Variants in PTCD2 observed in about 807,000 individuals in gnomAD.
PTCD2 encodes the protein pentatricopeptide repeat domain 2, also known as pentatricopeptide repeat-containing protein 2, mitochondrial.
In PTCD2, 31 loss-of-function variants were observed where a neutral mutation model predicts 42.6. That is an observed-to-expected ratio of 0.73 (90% CI 0.55 to 0.98). The LOEUF (loss-of-function observed/expected upper bound fraction) is 0.98. Among genes scored for constraint, PTCD2 ranks in the 50% least tolerant of loss-of-function variants. The pLI is 0.00. For missense variants in PTCD2, 476 were observed against 454.8 expected, an observed-to-expected ratio of 1.05 and a Z score of -0.42; for synonymous variants, 183 against 170.9, an observed-to-expected ratio of 1.07 and a Z score of -0.55.
chr5:72,341,472 C>G (rs1056993181), intron 7 of PTCD2, among the ~76,000 whole-genome samples: 18 of 152,046 alleles, frequency 1.2e-4, no homozygotes, highest in African/African-American at 4.3e-4. Context: ...AACACTGTGG[C>G]TCCTGCGTGT....
At chr5:72,343,668 T>G (rs1409683769) in intron 8 of PTCD2, among the ~76,000 whole-genome samples, 1 of 152,146 alleles carries the variant, frequency 6.6e-6, no homozygotes. Flanking sequence ...TGCAAAACCT[T>G]AATCCCTAAA....
chr5:72,340,218 C>A (rs1305933358), intron 7 of PTCD2, among the ~76,000 whole-genome samples: 4 of 152,014 alleles, frequency 2.6e-5, no homozygotes, highest in African/African-American at 7.2e-5. Context: ...TTATTTAATT[C>A]TTTTGACAAG....
chr5:72,342,937 T>C, intron 7 of PTCD2, 25 bp from the exon 8 acceptor site: 1 of 1,448,778 alleles, frequency 6.9e-7, no homozygotes, highest in Non-Finnish European at 9.6e-7. Flanking sequence ...TGATATGGAA[T>C]ATGATTTGTT....
chr5:72,326,854 G>A, intron 3 of PTCD2, 113 bp downstream of exon 3: 1 of 1,056,484 alleles, frequency 9.5e-7, no homozygotes, highest in Non-Finnish European at 1.4e-6. Flanking sequence ...GTGACTTCCA[G>A]ATCTCTTGTT....
At chr5:72,336,176 G>A (rs1486690807) in intron 6 of PTCD2, among the ~76,000 whole-genome samples, 1 of 152,168 alleles carries the variant, frequency 6.6e-6, no homozygotes, top group Non-Finnish European at 1.5e-5. Flanking sequence ...CACGCATGCT[G>A]GACTCTGCTA....
At chr5:72,355,945 C>T (rs1752855711) in intron 9 of PTCD2, among the ~76,000 whole-genome samples, 1 of 152,164 alleles carries the variant, frequency 6.6e-6, no homozygotes, top group Non-Finnish European at 1.5e-5. Flanking sequence ...GCCACACTGT[C>T]GCCTTCCCAG....
In PTCD2 at chr5:72,364,255, C is replaced by G. The variant is rs1753152635; in HGVS notation, c.*5828C>G. ...AACAAGAAGATTTTTTAAATGTCCTCTGTTCCCATGGAGCTTGCATTCTGC... is the reference window on the plus strand; with the variant it reads ...AACAAGAAGATTTTTTAAATGTCCTGTGTTCCCATGGAGCTTGCATTCTGC... On this transcript the variant is annotated 3_prime_UTR_variant, in exon 10 of 10. Coordinates refer to ENST00000380639, the MANE Select transcript of PTCD2 (RefSeq NM_024754.5). The G allele has an allele frequency of 6.6e-6, 1 of 152,238 alleles. No individual in the cohort carries two copies. The allele number at this position is 152,238 out of a possible 1,614,324, so 9.4% of individuals were successfully genotyped here.
chr5:72,320,650 CGTGG>C, intron 1 of PTCD2, 141 bp downstream of exon 1: 2 of 1,222,984 alleles, frequency 1.6e-6, no homozygotes, highest in Non-Finnish European at 2.3e-6. Flanking sequence ...TCTAGTTGCA[CGTGG>C]GTGCAGTGGT....
intron 9 of PTCD2, among the ~76,000 whole-genome samples, chr5:72,355,616 A>C (rs1012462802): frequency 2.0e-5 from 3 of 152,206 alleles, no homozygotes; most frequent in Non-Finnish European, 4.4e-5. Flanking sequence ...AAATGAAACA[A>C]ATGAACCCAT....
intron 2 of PTCD2, among the ~76,000 whole-genome samples, chr5:72,324,710 C>T (rs981275344): frequency 3.9e-5 from 6 of 152,196 alleles, no homozygotes; most frequent in African/African-American, 9.7e-5. Context: ...GTGTCACCTC[C>T]TCCATCATTG....
chr5:72,353,310 G>A (rs1752711483), intron 9 of PTCD2, among the ~76,000 whole-genome samples: 1 of 152,126 alleles, frequency 6.6e-6, no homozygotes, highest in South Asian at 2.1e-4. Context: ...GCTATCATCA[G>A]TATCCCCTTC....
At chr5:72,340,435 C>G (rs1751995939) in intron 7 of PTCD2, among the ~76,000 whole-genome samples, 1 of 152,088 alleles carries the variant, frequency 6.6e-6, no homozygotes, top group African/African-American at 2.4e-5. Flanking sequence ...AATGGGAATG[C>G]CTTTTCTACC....
At chr5:72,357,900 C>T (rs920991962) in intron 9 of PTCD2, among the ~76,000 whole-genome samples, 2 of 151,472 alleles carry the variant, frequency 1.3e-5, no homozygotes, top group Non-Finnish European at 1.5e-5. Context: ...TACAGTGGCA[C>T]GATCACAGCT....
rs1346809332 is a variant in PTCD2, at chr5:72,358,429, C to A, written c.*2C>A. ...AGCCAGTCCCTGTTGGCTGAGTAAC[C>A]CTGGTTTCAGTCCACCTATGGATCT... On this transcript the variant is annotated 3_prime_UTR_variant, in exon 10 of 10. Transcript: ENST00000380639. The A allele has an allele frequency of 1.9e-6, 3 of 1,609,752 alleles. No individual in the cohort carries two copies. Among genetic ancestry groups the A allele is most frequent in the Non-Finnish European group, 2.5e-6 (3 of 1,177,270 alleles).
At chr5:72,325,025 C>A (rs1751064106) in intron 2 of PTCD2, among the ~76,000 whole-genome samples, 1 of 151,838 alleles carries the variant, frequency 6.6e-6, no homozygotes, top group East Asian at 1.9e-4. Flanking sequence ...CAGGTTCAAG[C>A]AATTCTTGTG....
At chr5:72,352,198 A>AG (rs2112222839) in intron 8 of PTCD2, among the ~76,000 whole-genome samples, 1 of 152,270 alleles carries the variant, frequency 6.6e-6, no homozygotes, top group African/African-American at 2.4e-5. Context: ...GCCAGGCTGC[A>AG]GTGCAGTGCC....
chr5:72,320,775 A>T (rs1222585913), intron 1 of PTCD2: 2 of 469,634 alleles, frequency 4.3e-6, no homozygotes, highest in Non-Finnish European at 7.6e-6. Flanking sequence ...GTCTTCAGGA[A>T]CATCCCTCCC....
At chr5:72,324,219 G>A (rs1026276439) in intron 2 of PTCD2, among the ~76,000 whole-genome samples, 1 of 152,102 alleles carries the variant, frequency 6.6e-6, no homozygotes, top group Non-Finnish European at 1.5e-5. Context: ...TAAGTCTGTG[G>A]CAGTTGTGTA....
In PTCD2 at chr5:72,358,706, C is replaced by T. The variant is rs539079104; in HGVS notation, c.*279C>T. Reference sequence around the variant, plus strand: ...CCTGGTCAGTCTCCGGTTCAGCTTCCGACACCAGAGTGGAACCCAGTAAGC... The same window carrying T: ...CCTGGTCAGTCTCCGGTTCAGCTTCTGACACCAGAGTGGAACCCAGTAAGC... On this transcript the variant is annotated 3_prime_UTR_variant, in exon 10 of 10. Coordinates refer to ENST00000380639, the MANE Select transcript of PTCD2 (RefSeq NM_024754.5). The T allele has an allele frequency of 3.3e-4, 146 of 447,198 alleles. No individual in the cohort carries two copies. Among genetic ancestry groups the T allele is most frequent in the Non-Finnish European group, 5.4e-4 (132 of 245,300 alleles). 27.7% of individuals were successfully genotyped at this position (447,198 alleles called of 1,614,324 possible). A position where few individuals can be genotyped will look rare whatever the true frequency, so the allele number is the denominator to read the frequency against.
Sources: gnomAD v4.1 joint callset for allele counts (sites outside exome capture counted in the v4.1 genomes callset) on GRCh38, gnomAD v4.1.1 for gene constraint, MANE v1.5 for transcripts, NCBI Gene and HGNC (gene_info 2026-07-23, HGNC 2026-07-21) for gene names.